Variants in ESYT3 observed in about 807,000 individuals in gnomAD.
ESYT3 encodes the protein extended synaptotagmin-3.
In ESYT3, 101 loss-of-function variants were observed where a neutral mutation model predicts 111.5. The ratio of observed to expected loss-of-function variants is 0.91; its 90% CI spans 0.77 to 1.07. ESYT3 has a LOEUF of 1.07. Ranked by LOEUF, ESYT3 falls within the 50% of genes least tolerant of loss-of-function variation. ESYT3 has a pLI of 0.00. For missense variants in ESYT3, 1,097 were observed against 1,109.4 expected (o/e 0.99, Z 0.16); for synonymous variants, 416 against 446.8 (o/e 0.93, Z 0.87).
rs1560247518 is a variant in ESYT3, at chr3:138,474,156, A to T, written c.2337-65A>T. 3.2e-6 allele frequency: 5 copies of T among 1,570,792 alleles called. No individual in the cohort carries two copies. In the South Asian group the frequency reaches 3.5e-5, roughly 11 times the overall value. On this transcript the variant is annotated intron_variant, in intron 19 of 22. Coordinates refer to ENST00000389567, the MANE Select transcript of ESYT3 (RefSeq NM_031913.5). The stretch of plus-strand genomic sequence containing the variant: ...AAACTCTCAAACACTGAAACTCTCA[A>T]ATGTTCAGTGTTTGAAAACCAGGGC...
At chr3:138,443,620 C>T (rs566423349) in intron 1 of ESYT3, among the ~76,000 whole-genome samples, 1 of 152,254 alleles carries the variant, frequency 6.6e-6, no homozygotes, top group African/African-American at 2.4e-5. Flanking sequence ...AGGGAAGAGC[C>T]ATGAGGCTAA....
Position 138,477,744 on chromosome 3 carries a change from G to A in ESYT3, c.*890G>A, listed in dbSNP as rs978832431. Reference sequence around the variant, plus strand: ...TTAAAAGCAAAGTATTAAATTATATGCTTAAACAAGCGCCTCTTTTACATT... The same window carrying A: ...TTAAAAGCAAAGTATTAAATTATATACTTAAACAAGCGCCTCTTTTACATT... On this transcript the variant is annotated 3_prime_UTR_variant, in exon 23 of 23. Transcript: ENST00000389567. 6.6e-6 allele frequency: 1 copy of A among 152,126 alleles called. No homozygotes were observed. Among genetic ancestry groups the A allele is most frequent in the Non-Finnish European group, 1.5e-5 (1 of 68,018 alleles). 9.4% of individuals were successfully genotyped at this position (152,126 alleles called of 1,614,324 possible).
At chr3:138,481,626 A>C (rs2033690223), downstream of ESYT3, 1 of 151,658 alleles carries the variant, frequency 6.6e-6, no homozygotes, top group Non-Finnish European at 1.5e-5. Context: ...TCGGCCTCGC[A>C]AAGTGCTGGG....
intron 10 of ESYT3, among the ~76,000 whole-genome samples, chr3:138,465,932 G>A (rs1000695872): frequency 2.0e-5 from 3 of 152,210 alleles, no homozygotes; most frequent in Non-Finnish European, 4.4e-5. Flanking sequence ...TATCTGAAAT[G>A]TTTATTGCAG....
chr3:138,446,331 C>T (rs956363909), intron 1 of ESYT3, among the ~76,000 whole-genome samples: 4 of 152,200 alleles, frequency 2.6e-5, no homozygotes, highest in African/African-American at 7.2e-5. Flanking sequence ...CTTGGGTCTC[C>T]GTTCTAGCAC....
intron 1 of ESYT3, among the ~76,000 whole-genome samples, chr3:138,443,736 C>CTGTG (rs11268903): frequency 0.057 from 8,337 of 146,634 alleles, 566 homozygotes; most frequent in African/African-American, 0.17. Flanking sequence ...GTTTGTGCAT[C>CTGTG]TGTGTGTGTG....
intron 3 of ESYT3, 139 bp downstream of exon 3, chr3:138,455,467 GCCA>G (rs2032220921): frequency 2.8e-5 from 5 of 179,326 alleles, no homozygotes; most frequent in Non-Finnish European, 4.2e-5. Context: ...ACACCCTCCC[GCCA>G]CCACCTGCAT....
chr3:138,464,391 A>AGG lies in ESYT3; in HGVS notation c.963_964dup (p.Asp322GlyfsTer17). The stretch of plus-strand genomic sequence containing the variant: ...CTGGAGGCAGAGCAGCTGGCCCAGA[A>AGG]GGACAACTTTCTGGGGCTCCGAGGC... On this transcript the variant is annotated frameshift_variant, in exon 9 of 23. Transcript: ENST00000389567. LOFTEE classifies it high-confidence loss of function. 1 of 1,614,160 alleles carries AGG rather than the reference A, an allele frequency of 6.2e-7. No homozygotes were observed. Among genetic ancestry groups the AGG allele is most frequent in the Non-Finnish European group, 8.5e-7 (1 of 1,180,000 alleles).
chr3:138,463,590 A>G (rs1183489341), intron 8 of ESYT3, among the ~76,000 whole-genome samples: 2 of 152,224 alleles, frequency 1.3e-5, no homozygotes, highest in African/African-American at 2.4e-5. Context: ...AGTGTAATGA[A>G]TAGCCTTGCA....
At chr3:138,453,393 C>G (rs556124216) in intron 2 of ESYT3, among the ~76,000 whole-genome samples, 63 of 152,242 alleles carry the variant, frequency 4.1e-4, no homozygotes, top group African/African-American at 1.5e-3. Context: ...TGTGTCCTAA[C>G]AAGCTTTAAA....
intron 1 of ESYT3, among the ~76,000 whole-genome samples, chr3:138,437,320 C>T (rs2030787708): frequency 6.6e-6 from 1 of 152,202 alleles, no homozygotes; most frequent in South Asian, 2.1e-4. Flanking sequence ...ATCACAGCCC[C>T]CTTTCTCCTT....
At chr3:138,464,254 A>T (rs2032804435) in intron 8 of ESYT3, 91 bp from the exon 9 acceptor site, 5 of 1,435,992 alleles carry the variant, frequency 3.5e-6, no homozygotes, top group Non-Finnish European at 4.8e-6. Flanking sequence ...ATATGGGGGC[A>T]GCAGTGATCT....
At chr3:138,469,251 C>T (rs1307328089) in intron 14 of ESYT3, 185 bp from the exon 15 acceptor site, 2 of 615,552 alleles carry the variant, frequency 3.2e-6, no homozygotes, top group Non-Finnish European at 5.7e-6. Context: ...TGGGGTTGGT[C>T]CTGTCCTGGG....
intron 8 of ESYT3, 106 bp downstream of exon 8, chr3:138,462,312 C>T (rs2032692950): frequency 1.3e-6 from 2 of 1,487,858 alleles, no homozygotes; most frequent in South Asian, 2.4e-5. Context: ...TAATGCTTGA[C>T]AGTCCCAGAA....
At chr3:138,439,764 G>A (rs2031002026) in intron 1 of ESYT3, among the ~76,000 whole-genome samples, 1 of 152,252 alleles carries the variant, frequency 6.6e-6, no homozygotes, top group Non-Finnish European at 1.5e-5. Flanking sequence ...AGAGCCGGTA[G>A]TAGGAAAATA....
intron 1 of ESYT3, among the ~76,000 whole-genome samples, chr3:138,445,433 C>T (rs1437045926): frequency 2.0e-5 from 3 of 152,254 alleles, no homozygotes; most frequent in Non-Finnish European, 2.9e-5. Context: ...CAGCTCTCTG[C>T]GGCTGTCTTT....
chr3:138,448,450 T>G (rs1470292885), intron 1 of ESYT3, among the ~76,000 whole-genome samples: 3 of 151,246 alleles, frequency 2.0e-5, no homozygotes, highest in Non-Finnish European at 4.4e-5. Context: ...TGAAGTAGAT[T>G]CCCAAGTCAA....
At chr3:138,474,832 G>T (rs996669459) in intron 20 of ESYT3, among the ~76,000 whole-genome samples, 1 of 152,160 alleles carries the variant, frequency 6.6e-6, no homozygotes, top group African/African-American at 2.4e-5. Flanking sequence ...CTATGTCCTT[G>T]GGGACAAGGG....
At chr3:138,451,084 G>C (rs756645499) in intron 1 of ESYT3, among the ~76,000 whole-genome samples, 1 of 152,244 alleles carries the variant, frequency 6.6e-6, no homozygotes, top group African/African-American at 2.4e-5. Flanking sequence ...CAGATGCAGA[G>C]ACTGAGACTC....
Sources: allele counts gnomAD v4.1 joint callset (sites outside exome capture counted in the v4.1 genomes callset), GRCh38; gene constraint gnomAD v4.1.1; transcripts MANE v1.5; gene names NCBI Gene and HGNC (gene_info 2026-07-23, HGNC 2026-07-21).